Variants in DTNA observed in about 807,000 individuals in gnomAD.
The protein encoded by DTNA is dystrobrevin alpha.
Under a neutral mutation model 100.7 loss-of-function variants are expected in DTNA, and 43 were observed. The observed-to-expected ratio is 0.43, with a 90% confidence interval of 0.33 to 0.55. The LOEUF (loss-of-function observed/expected upper bound fraction) is 0.55, where lower values mean the gene tolerates loss of function less well. Among genes scored for constraint, DTNA ranks in the 20% least tolerant of loss-of-function variants. The pLI, the probability that DTNA is intolerant of heterozygous loss-of-function variation, is 0.04. For synonymous variants in DTNA, 349 were observed against 347.9 expected, an observed-to-expected ratio of 1.00 and a Z score of -0.04; for missense variants, 798 against 953.9, an observed-to-expected ratio of 0.84 and a Z score of 2.15.
At chr18:34,819,220 A>G (rs2095656840) in intron 8 of DTNA, among the ~76,000 whole-genome samples, 1 of 152,208 alleles carries the variant, frequency 6.6e-6, no homozygotes, top group Admixed American at 6.5e-5. Flanking sequence ...TTCAACCTTT[A>G]GTCTTTACTT....
At chr18:34,751,103 C>T (rs1050752753) in intron 1 of DTNA, among the ~76,000 whole-genome samples, 3 of 152,198 alleles carry the variant, frequency 2.0e-5, no homozygotes, top group Non-Finnish European at 4.4e-5. Flanking sequence ...TTGGTGACTT[C>T]ACCTCCTACA....
Position 34,838,790 on chromosome 18 carries a change from T to C in DTNA, c.1299T>C (p.His433=). 1 of 1,613,802 alleles carries C rather than the reference T, an allele frequency of 6.2e-7. No homozygotes were observed. Among genetic ancestry groups the C allele is most frequent in the East Asian group, 2.2e-5 (1 of 44,868 alleles). ...LNVADRLADE[H]VLIGLYVNML... ...TGGCAGACAGGCTAGCTGATGAACA[T>C]GTTCTCATCGGGTTGTATGTCAACA... The change falls in exon 13 of 23, where the codon CAT becomes CAC. Residue 433 remains histidine, a synonymous_variant. Transcript: ENST00000444659.
chr18:34,786,667 A>G (rs1271983968), intron 3 of DTNA, among the ~76,000 whole-genome samples: 1 of 152,100 alleles, frequency 6.6e-6, no homozygotes, highest in Non-Finnish European at 1.5e-5. Flanking sequence ...ACGCACAAGA[A>G]GATATATGTA....
intron 3 of DTNA, among the ~76,000 whole-genome samples, chr18:34,771,441 A>G (rs2093767359): frequency 1.3e-5 from 2 of 152,034 alleles, no homozygotes; most frequent in Non-Finnish European, 2.9e-5. Context: ...TGGAGATTGC[A>G]GTGAGCTGAG....
chr18:34,611,482 AAGG>A (rs1490541510), intron 1 of DTNA, among the ~76,000 whole-genome samples: 5 of 152,212 alleles, frequency 3.3e-5, no homozygotes, highest in Admixed American at 2.6e-4. Context: ...ACTCTTAAGC[AAGG>A]AACAAGTTCA....
At chr18:34,711,994 C>T (rs2082991952) in intron 1 of DTNA, among the ~76,000 whole-genome samples, 1 of 151,932 alleles carries the variant, frequency 6.6e-6, no homozygotes, top group African/African-American at 2.4e-5. Flanking sequence ...TTTTCATAAA[C>T]ATAAGTTGTT....
chr18:34,751,517 A>C (rs1016364137), intron 1 of DTNA, among the ~76,000 whole-genome samples: 1 of 152,178 alleles, frequency 6.6e-6, no homozygotes, highest in Non-Finnish European at 1.5e-5. Flanking sequence ...GATGCCTGTT[A>C]ATCTCTGAAG....
At chr18:34,839,536 A>C (rs571872594) in intron 13 of DTNA, among the ~76,000 whole-genome samples, 1 of 152,326 alleles carries the variant, frequency 6.6e-6, no homozygotes, top group South Asian at 2.1e-4. Flanking sequence ...ACTTGATATT[A>C]ATAATAAATG....
intron 1 of DTNA, among the ~76,000 whole-genome samples, chr18:34,565,350 T>G (rs779002793): frequency 2.0e-5 from 3 of 152,206 alleles, no homozygotes; most frequent in Non-Finnish European, 4.4e-5. Flanking sequence ...AGAGGAATAA[T>G]AGACAGTTAA....
intron 22 of DTNA, among the ~76,000 whole-genome samples, chr18:34,886,597 G>A (rs575346975): frequency 3.4e-4 from 52 of 152,312 alleles, no homozygotes; most frequent in African/African-American, 1.3e-3. Flanking sequence ...CAGATAAAAA[G>A]TGGAATTTGG....
At chr18:34,557,617 A>G (rs1187267719) in intron 1 of DTNA, among the ~76,000 whole-genome samples, 42 of 151,366 alleles carry the variant, frequency 2.8e-4, no homozygotes, top group Admixed American at 2.4e-3. Flanking sequence ...GTCTGTTGGA[A>G]TACCCTGCCG....
Position 34,890,384 on chromosome 18 carries a change from T to C in DTNA, c.*2650T>C. The C allele has an allele frequency of 1.3e-6, 2 of 1,536,092 alleles. No homozygotes were observed. The highest frequency in any genetic ancestry group is 2.4e-5 in the South Asian group (2 of 84,060). ...GCGTGTGTTATTTTGGGGTTTTGTG[T>C]TTTTTGGTGGGTTTCTTTCCTTGGC... On this transcript the variant is annotated 3_prime_UTR_variant, in exon 23 of 23. Coordinates refer to ENST00000444659, the MANE Select transcript of DTNA (RefSeq NM_001386795.1).
chr18:34,634,513 A>G (rs2058444492), intron 1 of DTNA, among the ~76,000 whole-genome samples: 1 of 152,162 alleles, frequency 6.6e-6, no homozygotes, highest in Non-Finnish European at 1.5e-5. Context: ...AGAACTGTTG[A>G]ATTCTCGTAA....
chr18:34,838,076 T>A lies in DTNA; in HGVS notation c.1176-18T>A. 1 of 1,613,312 alleles carries A rather than the reference T, an allele frequency of 6.2e-7. No homozygotes were observed. Among genetic ancestry groups the A allele is most frequent in the South Asian group, 1.1e-5 (1 of 91,028 alleles). On this transcript the variant is annotated intron_variant, in intron 11 of 22. Transcript: ENST00000444659. ...GCCGTGTTTACGCTCTTCTTGGCTT[T>A]CCCATCTTATTAACTAGCTCTCCTC...
intron 1 of DTNA, among the ~76,000 whole-genome samples, chr18:34,546,370 C>G (rs182681273): frequency 1.7e-3 from 261 of 152,214 alleles, no homozygotes; most frequent in Admixed American, 2.6e-3. Flanking sequence ...TCTGCCCTAT[C>G]AAGTGAGCCC....
chr18:34,604,071 A>C (rs1360997078), intron 1 of DTNA, among the ~76,000 whole-genome samples: 1 of 152,204 alleles, frequency 6.6e-6, no homozygotes, highest in Non-Finnish European at 1.5e-5. Flanking sequence ...ACCATTTAAA[A>C]TGAAGCAATT....
intron 4 of DTNA, among the ~76,000 whole-genome samples, chr18:34,797,053 A>G (rs1007840291): frequency 6.6e-6 from 1 of 152,186 alleles, no homozygotes; most frequent in African/African-American, 2.4e-5. Context: ...CTCTCAGAAG[A>G]TATGATAACT....
chr18:34,538,546 G>A (rs531690937), intron 1 of DTNA, among the ~76,000 whole-genome samples: 6 of 152,074 alleles, frequency 3.9e-5, no homozygotes, highest in Non-Finnish European at 5.9e-5. Flanking sequence ...TTCTCATGGA[G>A]CGTTATGACC....
chr18:34,533,244 C>T (rs1427657979), intron 1 of DTNA, among the ~76,000 whole-genome samples: 1 of 151,590 alleles, frequency 6.6e-6, no homozygotes, highest in Non-Finnish European at 1.5e-5. Context: ...TGGTGGCAGG[C>T]ACCTGTAATC....
Sources: gnomAD v4.1 joint callset for allele counts (sites outside exome capture counted in the v4.1 genomes callset) on GRCh38, gnomAD v4.1.1 for gene constraint, MANE v1.5 for transcripts, NCBI Gene and HGNC (gene_info 2026-07-23, HGNC 2026-07-21) for gene names.